The following CEP70 variants were observed in gnomAD, a reference collection of about 807,000 sequenced individuals.
CEP70 encodes centrosomal protein of 70 kDa.
A neutral mutation model predicts 90.9 loss-of-function variants in CEP70; 70 were observed. The ratio of observed to expected loss-of-function variants is 0.77; its 90% CI spans 0.64 to 0.94. The LOEUF (loss-of-function observed/expected upper bound fraction) is 0.94, where lower values mean the gene tolerates loss of function less well. CEP70 is among the 40% of genes least tolerant of loss of function. The probability of loss-of-function intolerance (pLI) is 0.00; values close to 1 mark genes in which losing one functional copy is unlikely to be tolerated. For missense variants in CEP70, 648 were observed against 669.0 expected (o/e 0.97, Z 0.35); for synonymous variants, 220 against 228.3 (o/e 0.96, Z 0.33).
At chr3:138,585,811 T>C (rs1365614269) in intron 2 of CEP70, among the ~76,000 whole-genome samples, 1 of 152,178 alleles carries the variant, frequency 6.6e-6, no homozygotes, top group African/African-American at 2.4e-5. Context: ...CTTCAATGAA[T>C]GGTGCTGGGA....
intron 16 of CEP70, 126 bp from the exon 17 acceptor site, chr3:138,498,236 C>CTACA (rs2034124309): frequency 1.6e-6 from 1 of 624,382 alleles, no homozygotes; most frequent in Non-Finnish European, 2.7e-6. Context: ...TGATCATTTA[C>CTACA]TACAGTCTTT....
At chr3:138,507,285 G>A (rs2035072875) in intron 12 of CEP70, among the ~76,000 whole-genome samples, 1 of 152,076 alleles carries the variant, frequency 6.6e-6, no homozygotes, top group African/African-American at 2.4e-5. Flanking sequence ...TATAAAAGAT[G>A]ACCCTGATGA....
chr3:138,567,074 A>C (rs1265834364), intron 6 of CEP70, among the ~76,000 whole-genome samples: 1 of 152,198 alleles, frequency 6.6e-6, no homozygotes, highest in African/African-American at 2.4e-5. Context: ...GTGCAACTAC[A>C]TGGGTGAATC....
In CEP70 at chr3:138,572,531, C is replaced by A. The variant is rs192503333; in HGVS notation, c.69+328G>T. ...AACTTATACATATTGTTTCCTGATA[C>A]CTCTTACATTTTAAGATAAAGTAAT... On this transcript the variant is annotated intron_variant, in intron 3 of 17. Coordinates refer to ENST00000264982, the MANE Select transcript of CEP70 (RefSeq NM_024491.4). 2.9e-3 allele frequency among the ~76,000 whole-genome samples: 439 copies of A among 152,256 alleles called. 4 individuals carry two copies. The highest frequency in any genetic ancestry group is 0.01 in the African/African-American group (424 of 41,544).
Position 138,505,378 on chromosome 3 carries a change from TA to T in CEP70, c.1137del (p.Phe379LeufsTer17). The T allele has an allele frequency of 1.9e-6, 3 of 1,612,678 alleles. No individual in the cohort carries two copies. Among genetic ancestry groups the T allele is most frequent in the Non-Finnish European group, 2.5e-6 (3 of 1,179,460 alleles). On this transcript the variant is annotated frameshift_variant, in exon 13 of 18. Coordinates refer to ENST00000264982, the MANE Select transcript of CEP70 (RefSeq NM_024491.4). LOFTEE classifies it high-confidence loss of function. Reference sequence around the variant, plus strand: ...CCACAATCTTGAACAAGATCTTTATTAAAATTTTGGACTCCCCCTTTGGTCT... The same window carrying T: ...CCACAATCTTGAACAAGATCTTTATTAAATTTTGGACTCCCCCTTTGGTCT... ...YKQTKGGVQN[F>X]NKDLVQDCGF... is the part of the protein sequence containing the mutation.
In CEP70 at chr3:138,548,931, A is replaced by G. The variant is rs146394270; in HGVS notation, c.466-11584T>C. Among the ~76,000 whole-genome samples, 439 of 152,220 alleles carry G rather than the reference A, an allele frequency of 2.9e-3. 4 individuals are homozygous for G. Among genetic ancestry groups the G allele is most frequent in the African/African-American group, 0.01 (423 of 41,520 alleles). On this transcript the variant is annotated intron_variant, in intron 6 of 17. Transcript: ENST00000264982. ...AGAGATTGTCCACCCCTGAATACAT[A>G]CCCTCACTGGGGAACCTGAAGGTCT... is the stretch of plus-strand genomic sequence containing the variant.
Position 138,494,954 on chromosome 3 carries a change from T to C in CEP70, c.*61A>G. On this transcript the variant is annotated 3_prime_UTR_variant, in exon 18 of 18. Coordinates refer to ENST00000264982, the MANE Select transcript of CEP70 (RefSeq NM_024491.4). ...AACCCTTGTCTCAAAATAAGATCAATCCTACAAAATACAAAATGTTAAGAA... is the reference window on the plus strand; with the variant it reads ...AACCCTTGTCTCAAAATAAGATCAACCCTACAAAATACAAAATGTTAAGAA... The C allele has an allele frequency of 1.1e-6, 1 of 927,346 alleles. No individual in the cohort carries two copies. Among genetic ancestry groups the C allele is most frequent in the East Asian group, 2.5e-5 (1 of 39,916 alleles). The allele number at this position is 927,346 out of a possible 1,614,324, so 57.4% of individuals were successfully genotyped here.
At chr3:138,527,322 C>T (rs2037357387) in intron 10 of CEP70, among the ~76,000 whole-genome samples, 1 of 139,238 alleles carries the variant, frequency 7.2e-6, no homozygotes, top group Non-Finnish European at 1.6e-5. Flanking sequence ...GCTACCATGC[C>T]TGGCTAATTT....
chr3:138,503,892 A>T (rs2034741877), intron 13 of CEP70, among the ~76,000 whole-genome samples: 1 of 152,204 alleles, frequency 6.6e-6, no homozygotes, highest in Non-Finnish European at 1.5e-5. Flanking sequence ...AACGATATAA[A>T]TGATTACATT....
At chr3:138,539,284 G>A (rs900236144) in intron 6 of CEP70, among the ~76,000 whole-genome samples, 2 of 152,144 alleles carry the variant, frequency 1.3e-5, no homozygotes, top group Non-Finnish European at 2.9e-5. Flanking sequence ...AAAGTGCTGG[G>A]ATTACAGGTG....
In CEP70 at chr3:138,500,561, T is replaced by C; in HGVS notation, c.1375A>G (p.Asn459Asp). The change falls in exon 15 of 18, where the codon AAT (asparagine) becomes GAT (aspartate). Residue 459 changes from asparagine (N) to aspartate (D), a missense_variant. Physicochemically the swap from Asn to Asp is conservative, Grantham distance 23. Transcript: ENST00000264982. ...TGCAAAGTTTGAAAGTGTGGCATAT[T>C]GCTGTCCTGTCCAAAAAAGAGGTAA... ...EEVENKEKDS[N>D]MPHFQTLQAI... 6.3e-7 allele frequency: 1 copy of C among 1,589,592 alleles called. No individual in the cohort carries two copies. Among genetic ancestry groups the C allele is most frequent in the Non-Finnish European group, 8.5e-7 (1 of 1,173,830 alleles).
At chr3:138,587,690 A>G (rs1336223984) in intron 2 of CEP70, among the ~76,000 whole-genome samples, 1 of 152,040 alleles carries the variant, frequency 6.6e-6, no homozygotes, top group Admixed American at 6.6e-5. Flanking sequence ...TGAGGTGGGA[A>G]GACAACTTGA....
intron 2 of CEP70, among the ~76,000 whole-genome samples, chr3:138,587,856 T>C (rs1308654927): frequency 6.6e-6 from 1 of 152,194 alleles, no homozygotes; most frequent in Non-Finnish European, 1.5e-5. Flanking sequence ...TATAAAGCTA[T>C]AGTAATCAAG....
chr3:138,582,133 G>A (rs1049006351), intron 2 of CEP70, among the ~76,000 whole-genome samples: 1 of 152,080 alleles, frequency 6.6e-6, no homozygotes, highest in Non-Finnish European at 1.5e-5. Flanking sequence ...AGAAAACGAC[G>A]TTAATGAGCA....
intron 11 of CEP70, among the ~76,000 whole-genome samples, chr3:138,524,233 A>G (rs2036979555): frequency 6.6e-6 from 1 of 151,792 alleles, no homozygotes. Context: ...TTCAAGATGG[A>G]TTAAAGACTT....
chr3:138,561,005 G>T (rs1363964054), intron 6 of CEP70, among the ~76,000 whole-genome samples: 1 of 152,144 alleles, frequency 6.6e-6, no homozygotes, highest in Non-Finnish European at 1.5e-5. Context: ...CTCCTAGCAC[G>T]TTCGAGCAGC....
chr3:138,540,266 A>G (rs748562009), intron 6 of CEP70, among the ~76,000 whole-genome samples: 8 of 152,130 alleles, frequency 5.3e-5, no homozygotes, highest in Admixed American at 4.6e-4. Flanking sequence ...AGGCTGAGGC[A>G]AGTGGATCAC....
chr3:138,501,984 TA>T (rs1261951854), intron 13 of CEP70, among the ~76,000 whole-genome samples: 1 of 152,144 alleles, frequency 6.6e-6, no homozygotes, highest in East Asian at 1.9e-4. Context: ...GCACTGTGGA[TA>T]AGGGATACTC....
At chr3:138,496,001 T>C in intron 17 of CEP70, 3 of 985,388 alleles carry the variant, frequency 3.0e-6, no homozygotes, top group Non-Finnish European at 3.6e-6. Context: ...TGAATTTGAT[T>C]TTTCTTCCTA....
Sources: gnomAD v4.1 joint callset for allele counts (sites outside exome capture counted in the v4.1 genomes callset) on GRCh38, gnomAD v4.1.1 for gene constraint, MANE v1.5 for transcripts, NCBI Gene and HGNC (gene_info 2026-07-23, HGNC 2026-07-21) for gene names.